Variants in ENPP6 observed in about 807,000 individuals in gnomAD.
ENPP6 encodes the protein ectonucleotide pyrophosphatase/phosphodiesterase 6.
Under a neutral mutation model 42.0 loss-of-function variants are expected in ENPP6, and 32 were observed. The ratio of observed to expected loss-of-function variants is 0.76; its 90% CI spans 0.58 to 1.02. The LOEUF (loss-of-function observed/expected upper bound fraction) is 1.02, where lower values mean the gene tolerates loss of function less well. Ranked by LOEUF, ENPP6 falls within the 50% of genes least tolerant of loss-of-function variation. The pLI is 0.00. For synonymous variants in ENPP6, 213 were observed against 216.0 expected (o/e 0.99, Z 0.12); for missense variants, 552 against 566.8 (o/e 0.97, Z 0.27).
intron 6 of ENPP6, among the ~76,000 whole-genome samples, chr4:184,103,179 C>A (rs1736033978): frequency 1.3e-5 from 2 of 152,240 alleles, no homozygotes; most frequent in Admixed American, 1.3e-4. Context: ...GCTGCTCCAA[C>A]AGGTGCTTCA....
At chr4:184,196,048 C>T (rs1732790267) in intron 1 of ENPP6, among the ~76,000 whole-genome samples, 1 of 152,230 alleles carries the variant, frequency 6.6e-6, no homozygotes, top group African/African-American at 2.4e-5. Flanking sequence ...GGCCCTGAAA[C>T]TTGCCCTGCT....
intron 2 of ENPP6, among the ~76,000 whole-genome samples, chr4:184,126,193 A>ATT (rs1560985758): frequency 1.3e-5 from 2 of 152,212 alleles, no homozygotes. Context: ...AACAATAAAT[A>ATT]TGTTTGTTAA....
intron 1 of ENPP6, among the ~76,000 whole-genome samples, chr4:184,208,933 C>G (rs1245371593): frequency 6.9e-6 from 1 of 143,946 alleles, no homozygotes; most frequent in Non-Finnish European, 1.5e-5. Flanking sequence ...TGACCCCTGA[C>G]CCCCGAGCAG....
chr4:184,094,953 C>T (rs1024019396), intron 7 of ENPP6, among the ~76,000 whole-genome samples: 2 of 152,246 alleles, frequency 1.3e-5, no homozygotes, highest in African/African-American at 4.8e-5. Flanking sequence ...GCCCAGCTTT[C>T]CCCCTAAGGG....
chr4:184,171,835 G>C (rs949398110), intron 1 of ENPP6, among the ~76,000 whole-genome samples: 10 of 152,002 alleles, frequency 6.6e-5, no homozygotes, highest in African/African-American at 2.4e-4. Context: ...GAGATGCTGA[G>C]ATAGAGCAGA....
At chr4:184,113,168 G>A (rs907705494) in intron 5 of ENPP6, among the ~76,000 whole-genome samples, 1 of 152,170 alleles carries the variant, frequency 6.6e-6, no homozygotes, top group Admixed American at 6.5e-5. Flanking sequence ...GTGTGGTTCT[G>A]CAATGGAATA....
chr4:184,131,601 T>C (rs1375351774), intron 2 of ENPP6, among the ~76,000 whole-genome samples: 1 of 151,310 alleles, frequency 6.6e-6, no homozygotes, highest in Non-Finnish European at 1.5e-5. Context: ...TGACCTCAGG[T>C]GATCCACCTG....
Position 184,171,969 on chromosome 4 carries a change from G to A in ENPP6, c.242-18236C>T, listed in dbSNP as rs147574110. On this transcript the variant is annotated intron_variant, in intron 1 of 7. Coordinates refer to ENST00000296741, the MANE Select transcript of ENPP6 (RefSeq NM_153343.4). Reference sequence around the variant, plus strand: ...AAGTGAGGTGCAGTCAGCACTGGAAGTAAGTGGAGAGTGTGCGAGGGAGGT... The same window carrying A: ...AAGTGAGGTGCAGTCAGCACTGGAAATAAGTGGAGAGTGTGCGAGGGAGGT... 7.1e-3 allele frequency among the ~76,000 whole-genome samples: 1,084 copies of A among 152,284 alleles called. 11 individuals carry two copies. Among genetic ancestry groups the A allele is most frequent in the African/African-American group, 0.025 (1,042 of 41,566 alleles).
At chr4:184,207,055 C>T (rs1474608235) in intron 1 of ENPP6, among the ~76,000 whole-genome samples, 1 of 152,230 alleles carries the variant, frequency 6.6e-6, no homozygotes, top group Non-Finnish European at 1.5e-5. Context: ...GATGCCTGCT[C>T]CCCCATCTCA....
At chr4:184,133,275 A>G (rs1223894769) in intron 2 of ENPP6, among the ~76,000 whole-genome samples, 3 of 152,190 alleles carry the variant, frequency 2.0e-5, no homozygotes, top group African/African-American at 7.2e-5. Context: ...ACCAGTTTAT[A>G]AACATGTTTT....
intron 3 of ENPP6, among the ~76,000 whole-genome samples, chr4:184,121,454 G>C (rs1736415402): frequency 6.6e-6 from 1 of 152,182 alleles, no homozygotes; most frequent in Non-Finnish European, 1.5e-5. Flanking sequence ...CAAGTTAATA[G>C]CAAAGTGGAT....
Position 184,113,963 on chromosome 4 carries a change from C to CTT in ENPP6, c.856-1155_856-1154insAA, listed in dbSNP as rs1162715775. ...TCTTTCTTTCTTTCTTTCTTTCTTT[C>CTT]TCTCTTTCTTTCTTTCTTTTTGATG... On this transcript the variant is annotated intron_variant, in intron 5 of 7. Transcript: ENST00000296741. Among the ~76,000 whole-genome samples, 1,116 of 126,458 alleles carry CTT rather than the reference C, an allele frequency of 8.8e-3. 11 individuals are homozygous for CTT. The highest frequency in any genetic ancestry group is 0.011 in the Non-Finnish European group (628 of 57,456). 83.0% of individuals were successfully genotyped at this position (126,458 alleles called of 152,430 possible).
At chr4:184,197,080 A>G (rs1161414572) in intron 1 of ENPP6, among the ~76,000 whole-genome samples, 1 of 152,200 alleles carries the variant, frequency 6.6e-6, no homozygotes, top group Non-Finnish European at 1.5e-5. Flanking sequence ...ATTCCTTGGA[A>G]TGTGCTTTTC....
At chr4:184,186,874 GTCTT>G (rs1732640980) in intron 1 of ENPP6, among the ~76,000 whole-genome samples, 1 of 152,094 alleles carries the variant, frequency 6.6e-6, no homozygotes, top group Non-Finnish European at 1.5e-5. Flanking sequence ...TAAAATGAAA[GTCTT>G]ATCACACTAC....
chr4:184,217,852 C>T lies in ENPP6; in HGVS notation c.-33G>A. 1.9e-6 allele frequency: 3 copies of T among 1,604,710 alleles called. No homozygotes were observed. The highest frequency in any genetic ancestry group is 2.6e-6 in the Non-Finnish European group (3 of 1,176,020). On this transcript the variant is annotated 5_prime_UTR_variant, in exon 1 of 8. The change creates a new upstream start codon in the 5' untranslated region. Coordinates refer to ENST00000296741, the MANE Select transcript of ENPP6 (RefSeq NM_153343.4). The stretch of plus-strand genomic sequence containing the variant: ...GGAGCCTGCCAGAGCCCGGCTGGCA[C>T]AGCTGTCGCCTTGCAAAGACTGAGG...
intron 2 of ENPP6, among the ~76,000 whole-genome samples, chr4:184,127,769 TA>T (rs1736528654): frequency 6.6e-6 from 1 of 152,142 alleles, no homozygotes; most frequent in African/African-American, 2.4e-5. Context: ...AAATAATTTT[TA>T]AAAAATCGTT....
chr4:184,168,221 T>C (rs1334372544), intron 1 of ENPP6, among the ~76,000 whole-genome samples: 3 of 152,152 alleles, frequency 2.0e-5, no homozygotes, highest in Non-Finnish European at 2.9e-5. Context: ...ATCATACCTT[T>C]TTTCAGAGTT....
rs114285165 is a variant in ENPP6, at chr4:184,089,976, G to A, written c.*1201C>T. ...TCTCAAAGGTATCAAAAGAACTTAG[G>A]TCTCAAAGGTGGTACTTTGGCCAAA... On this transcript the variant is annotated 3_prime_UTR_variant, in exon 8 of 8. Transcript: ENST00000296741. 1.4e-3 allele frequency: 206 copies of A among 152,162 alleles called. No homozygotes were observed. The highest frequency in any genetic ancestry group is 4.7e-3 in the African/African-American group (194 of 41,506). The allele number at this position is 152,162 out of a possible 1,614,324, so 9.4% of individuals were successfully genotyped here. A position where few individuals can be genotyped will look rare whatever the true frequency, so the allele number is the denominator to read the frequency against.
chr4:184,178,196 A>G (rs1388478509), intron 1 of ENPP6, among the ~76,000 whole-genome samples: 2 of 152,150 alleles, frequency 1.3e-5, no homozygotes, highest in African/African-American at 4.8e-5. Context: ...TGGAGCTAGA[A>G]CATACAACAA....
Sources: allele counts gnomAD v4.1 joint callset (sites outside exome capture counted in the v4.1 genomes callset), GRCh38; gene constraint gnomAD v4.1.1; transcripts MANE v1.5; gene names NCBI Gene and HGNC (gene_info 2026-07-23, HGNC 2026-07-21).